Variants in LIMCH1 observed in about 807,000 individuals in gnomAD.
LIMCH1 encodes LIM and calponin homology domains-containing protein 1.
A neutral mutation model predicts 176.5 loss-of-function variants in LIMCH1; 113 were observed. That is an observed-to-expected ratio of 0.64 (90% CI 0.55 to 0.75). LIMCH1 has a LOEUF of 0.75. Among genes scored for constraint, LIMCH1 ranks in the 30% least tolerant of loss-of-function variants. The probability of loss-of-function intolerance (pLI) is 0.00; values close to 1 mark genes in which losing one functional copy is unlikely to be tolerated. For synonymous variants in LIMCH1, 619 were observed against 645.9 expected (o/e 0.96, Z 0.63); for missense variants, 1,674 against 1,814.9 (o/e 0.92, Z 1.41).
At chr4:41,579,612 T>C (rs1374439670) in intron 1 of LIMCH1, among the ~76,000 whole-genome samples, 1 of 152,226 alleles carries the variant, frequency 6.6e-6, no homozygotes, top group Non-Finnish European at 1.5e-5. Flanking sequence ...CAAACTCTTT[T>C]GATGTCCTTT....
intron 1 of LIMCH1, among the ~76,000 whole-genome samples, chr4:41,399,488 G>A (rs2058145627): frequency 6.6e-6 from 1 of 152,086 alleles, no homozygotes. Flanking sequence ...TAGTTATGAA[G>A]ATCTTACACA....
chr4:41,419,798 C>T (rs1347726455), intron 1 of LIMCH1, among the ~76,000 whole-genome samples: 1 of 150,688 alleles, frequency 6.6e-6, no homozygotes, highest in Non-Finnish European at 1.5e-5. Context: ...TTCCTCTCTG[C>T]CTTCCTCCTT....
chr4:41,522,299 G>GA (rs1448153673), intron 2 of LIMCH1, among the ~76,000 whole-genome samples: 1 of 151,994 alleles, frequency 6.6e-6, no homozygotes, highest in African/African-American at 2.4e-5. Context: ...ATTGTTAAGT[G>GA]AAAAAACAAG....
chr4:41,423,907 C>T (rs927031182), intron 1 of LIMCH1, among the ~76,000 whole-genome samples: 11 of 151,946 alleles, frequency 7.2e-5, no homozygotes, highest in African/African-American at 2.7e-4. Context: ...TAGCATAGGG[C>T]ATCTCAGTGG....
chr4:41,565,390 CACACACAG>C (rs1482122560), intron 1 of LIMCH1, among the ~76,000 whole-genome samples: 26 of 146,972 alleles, frequency 1.8e-4, no homozygotes, highest in African/African-American at 6.8e-4. Context: ...CACATACACA[CACACACAG>C]ACACACACAC....
chr4:41,682,119 C>T (rs1316109953), intron 25 of LIMCH1, among the ~76,000 whole-genome samples: 3 of 152,196 alleles, frequency 2.0e-5, no homozygotes, highest in Non-Finnish European at 2.9e-5. Context: ...GTTTTCTAAT[C>T]AATTCCCTTT....
intron 1 of LIMCH1, among the ~76,000 whole-genome samples, chr4:41,390,267 A>AGAGAGAGAGAGAGC (rs1356052666): frequency 6.6e-6 from 1 of 151,592 alleles, no homozygotes; most frequent in Non-Finnish European, 1.5e-5. Context: ...AGAGAGAGAG[A>AGAGAGAGAGAGAGC]GAGAGAGCGA....
chr4:41,629,020 T>C lies in LIMCH1; in HGVS notation c.1029-472T>C, dbSNP rs551725512. ...TTTGAGATGTTTAATATGTGAACAA[T>C]GTTCCAGCTATCTCCAAACTAATCC... On this transcript the variant is annotated intron_variant, in intron 8 of 31. Transcript: ENST00000503057. Among the ~76,000 whole-genome samples the C allele has an allele frequency of 7.2e-5, 11 of 152,358 alleles. No individual in the cohort carries two copies. In the East Asian group the frequency reaches 2.1e-3, roughly 29 times the overall value.
chr4:41,510,985 A>G (rs1442553702), intron 2 of LIMCH1, among the ~76,000 whole-genome samples: 1 of 152,222 alleles, frequency 6.6e-6, no homozygotes, highest in Non-Finnish European at 1.5e-5. Context: ...TGAAGACTGT[A>G]TATCTGAGTG....
chr4:41,614,584 C>T (rs2091857098), intron 5 of LIMCH1, among the ~76,000 whole-genome samples: 1 of 152,100 alleles, frequency 6.6e-6, no homozygotes, highest in African/African-American at 2.4e-5. Flanking sequence ...CTAAAAGATC[C>T]CTTCCAGCTA....
intron 27 of LIMCH1, 80 bp downstream of exon 27, chr4:41,684,598 T>G: frequency 9.3e-6 from 14 of 1,510,422 alleles, no homozygotes; most frequent in Non-Finnish European, 1.2e-5. Flanking sequence ...CTATGATCTC[T>G]GCTGGCTGCA....
At chr4:41,593,669 G>T (rs968065575) in intron 1 of LIMCH1, among the ~76,000 whole-genome samples, 1 of 152,164 alleles carries the variant, frequency 6.6e-6, no homozygotes, top group African/African-American at 2.4e-5. Context: ...TATGGTCTAT[G>T]GGCCAAATCC....
intron 1 of LIMCH1, among the ~76,000 whole-genome samples, chr4:41,427,018 C>T (rs980440975): frequency 2.0e-5 from 3 of 152,128 alleles, no homozygotes; most frequent in African/African-American, 7.2e-5. Context: ...TCACACAATT[C>T]CTGGGCACAG....
chr4:41,652,825 TGGCCTTC>T (rs1298652433), intron 18 of LIMCH1, among the ~76,000 whole-genome samples: 1 of 152,206 alleles, frequency 6.6e-6, no homozygotes, highest in Non-Finnish European at 1.5e-5. Context: ...TGGAGAAGGA[TGGCCTTC>T]AGGACTTTCT....
At chr4:41,429,591 T>C (rs2061417481) in intron 1 of LIMCH1, among the ~76,000 whole-genome samples, 1 of 152,236 alleles carries the variant, frequency 6.6e-6, no homozygotes, top group African/African-American at 2.4e-5. Context: ...TAAAGAATTA[T>C]GGAAAAAGGA....
At chr4:41,622,882 T>C (rs998998617) in intron 7 of LIMCH1, among the ~76,000 whole-genome samples, 2 of 152,206 alleles carry the variant, frequency 1.3e-5, no homozygotes, top group East Asian at 1.9e-4. Flanking sequence ...GCATTTAAAA[T>C]TGGGCTCTGG....
intron 2 of LIMCH1, among the ~76,000 whole-genome samples, chr4:41,521,250 G>T (rs2152401899): frequency 6.6e-6 from 1 of 152,248 alleles, no homozygotes; most frequent in Admixed American, 6.5e-5. Flanking sequence ...AACTGTCCCA[G>T]CTGTGCTTCA....
chr4:41,663,140 TG>T (rs2094689923), intron 20 of LIMCH1, among the ~76,000 whole-genome samples, 156 bp downstream of exon 20: 1 of 83,360 alleles, frequency 1.2e-5, no homozygotes, highest in South Asian at 3.6e-4. Flanking sequence ...TTTTCGTGTG[TG>T]TGTGTGTGTG....
intron 31 of LIMCH1, among the ~76,000 whole-genome samples, chr4:41,696,290 T>C (rs1488787596): frequency 1.3e-5 from 2 of 152,216 alleles, no homozygotes; most frequent in African/African-American, 4.8e-5. Flanking sequence ...GGGTGTTGGA[T>C]GACTGTGTCT....
Sources: gnomAD v4.1 joint callset for allele counts (sites outside exome capture counted in the v4.1 genomes callset) on GRCh38, gnomAD v4.1.1 for gene constraint, MANE v1.5 for transcripts, NCBI Gene and HGNC (gene_info 2026-07-23, HGNC 2026-07-21) for gene names.